Variants in RERE observed in about 807,000 individuals in gnomAD.
RERE encodes the protein arginine-glutamic acid dipeptide repeats protein.
RERE carries 40 observed loss-of-function variants against 146.1 expected under a neutral mutation model. The ratio of observed to expected loss-of-function variants is 0.27; its 90% CI spans 0.21 to 0.36. The LOEUF (loss-of-function observed/expected upper bound fraction) is 0.36, where lower values mean the gene tolerates loss of function less well. Ranked by LOEUF, RERE falls within the 10% of genes least tolerant of loss-of-function variation. RERE has a pLI of 1.00. For synonymous variants in RERE, 1,003 were observed against 866.0 expected, an observed-to-expected ratio of 1.16 and a Z score of -2.78; for missense variants, 1,933 against 2,138.7, an observed-to-expected ratio of 0.90 and a Z score of 1.90.
chr1:8,623,376 G>C (rs987452091), intron 3 of RERE, among the ~76,000 whole-genome samples: 1 of 152,130 alleles, frequency 6.6e-6, no homozygotes, highest in African/African-American at 2.4e-5. Context: ...ACTTGTTTCC[G>C]GGAGGCAGAG....
Position 8,401,069 on chromosome 1 carries a change from A to ATATATATATATG in RERE, c.1284+21657_1284+21658insCATATATATATA, listed in dbSNP as rs761609705. On this transcript the variant is annotated intron_variant, in intron 12 of 22. Transcript: ENST00000400908. ...TATATATATATATATATATATATAT[A>ATATATATATATG]TATGTCACTTAATAGTTTTTGGGAG... Among the ~76,000 whole-genome samples the ATATATATATATG allele has an allele frequency of 1.6e-3, 135 of 85,052 alleles. 1 individual carries two copies. Among genetic ancestry groups the ATATATATATATG allele is most frequent in the South Asian group, 3.4e-3 (8 of 2,326 alleles). 55.8% of individuals were successfully genotyped at this position (85,052 alleles called of 152,430 possible).
intron 1 of RERE, among the ~76,000 whole-genome samples, chr1:8,675,096 C>T (rs1209677507): frequency 6.6e-6 from 1 of 152,112 alleles, no homozygotes; most frequent in African/African-American, 2.4e-5. Context: ...ATCCATGGGG[C>T]CCTGGGGGAA....
chr1:8,776,968 A>T (rs1641076413), intron 1 of RERE, among the ~76,000 whole-genome samples: 1 of 151,750 alleles, frequency 6.6e-6, no homozygotes, highest in African/African-American at 2.4e-5. Context: ...GGCTCAAGCT[A>T]TCCGCCTGTC....
chr1:8,489,242 C>T (rs1045150089), intron 10 of RERE, among the ~76,000 whole-genome samples: 5 of 151,758 alleles, frequency 3.3e-5, no homozygotes, highest in African/African-American at 9.7e-5. Context: ...AGCCTGTAGT[C>T]CCAGGTACTC....
intron 12 of RERE, among the ~76,000 whole-genome samples, chr1:8,415,375 T>C (rs752545605): frequency 1.3e-5 from 2 of 152,172 alleles, no homozygotes; most frequent in African/African-American, 2.4e-5. Flanking sequence ...TCATAAGAAA[T>C]ATAGGTTAGC....
Position 8,791,048 on chromosome 1 carries a change from A to G in RERE, c.-145+26112T>C, listed in dbSNP as rs1464459197. Among the ~76,000 whole-genome samples, 3 of 152,224 alleles carry G rather than the reference A, an allele frequency of 2.0e-5. No individual in the cohort carries two copies. The East Asian group carries it at 5.8e-4, about 29-fold the overall frequency. The stretch of plus-strand genomic sequence containing the variant: ...CGTCTGAGAAATATTCTTAAAAGAC[A>G]ACAAAACATACAGAAAGGTATTTTG... On this transcript the variant is annotated intron_variant, in intron 1 of 22. Coordinates refer to ENST00000400908, the MANE Select transcript of RERE (RefSeq NM_001042681.2).
chr1:8,813,943 C>T (rs1641863127), intron 1 of RERE, among the ~76,000 whole-genome samples: 1 of 152,044 alleles, frequency 6.6e-6, no homozygotes, highest in African/African-American at 2.4e-5. Context: ...AAAGCTTTTT[C>T]GACTGACCAG....
At chr1:8,417,025 T>C (rs562701302) in intron 12 of RERE, among the ~76,000 whole-genome samples, 31 of 152,322 alleles carry the variant, frequency 2.0e-4, no homozygotes, top group African/African-American at 7.0e-4. Context: ...TCTAATGTAC[T>C]GGTATGTGGC....
chr1:8,525,890 T>A, intron 7 of RERE: 1 of 1,438,546 alleles, frequency 7.0e-7, no homozygotes, highest in South Asian at 1.5e-5. Flanking sequence ...GCACATGCAG[T>A]CTCAGAGACC....
chr1:8,606,022 C>A (rs373819543), intron 4 of RERE, among the ~76,000 whole-genome samples: 2 of 151,912 alleles, frequency 1.3e-5, no homozygotes, highest in East Asian at 3.9e-4. Context: ...TTCTTTGTTG[C>A]CCAGGCTGGT....
chr1:8,405,707 C>T (rs1354558143), intron 12 of RERE, among the ~76,000 whole-genome samples: 3 of 152,112 alleles, frequency 2.0e-5, no homozygotes, highest in South Asian at 2.1e-4. Context: ...GGTGCGATCT[C>T]GGCTCACTGC....
chr1:8,510,750 C>T (rs1645324329), intron 7 of RERE, among the ~76,000 whole-genome samples: 1 of 149,980 alleles, frequency 6.7e-6, no homozygotes, highest in African/African-American at 2.4e-5. Context: ...CAGAATGTAT[C>T]ATTTCAGAAA....
In RERE at chr1:8,352,648, C is replaced by G. The variant is rs529306535; in HGVS notation, c.*2439G>C. On this transcript the variant is annotated 3_prime_UTR_variant, in exon 23 of 23. Coordinates refer to ENST00000400908, the MANE Select transcript of RERE (RefSeq NM_001042681.2). The stretch of plus-strand genomic sequence containing the variant: ...AACCTCGAGGACACCGAACAAGATA[C>G]GGACACACACAGAGGAGCCAAACCA... 6.6e-6 allele frequency: 1 copy of G among 152,296 alleles called. No homozygotes were observed. Among genetic ancestry groups the G allele is most frequent in the Non-Finnish European group, 1.5e-5 (1 of 68,044 alleles). 9.4% of individuals were successfully genotyped at this position (152,296 alleles called of 1,614,324 possible).
chr1:8,758,560 T>C (rs1004371518), intron 1 of RERE, among the ~76,000 whole-genome samples: 9 of 151,786 alleles, frequency 5.9e-5, no homozygotes, highest in African/African-American at 1.9e-4. Context: ...CCTAGCTAAC[T>C]TTTTATTTTT....
rs1378605677 is a variant in RERE at position 8,361,153 on chromosome 1, G to A, written c.2354C>T (p.Pro785Leu). 6.9e-7 allele frequency: 1 copy of A among 1,449,156 alleles called. No individual in the cohort carries two copies. Among genetic ancestry groups the A allele is most frequent in the East Asian group, 2.5e-5 (1 of 40,406 alleles). 89.8% of individuals were successfully genotyped at this position (1,449,156 alleles called of 1,614,324 possible). ...PQGSPTASQA[P>L]NQPQAPTAPV... ...CGCTGTGGGAGCCTGTGGCTGGTTAGGGGCCTGGGAGGCCGTGGGGGAGCC... is the reference window on the plus strand; with the variant it reads ...CGCTGTGGGAGCCTGTGGCTGGTTAAGGGCCTGGGAGGCCGTGGGGGAGCC... The change falls in exon 18 of 23, where the codon CCT (proline) becomes CTT (leucine). Residue 785 changes from proline to leucine, a missense_variant. Pro to Leu is a moderately conservative substitution (Grantham distance 98). Around this residue, in one of 11 missense-constraint regions of RERE, gnomAD observed 1,255 missense variants for 1,153.8 expected, o/e 1.09. Coordinates refer to ENST00000400908, the MANE Select transcript of RERE (RefSeq NM_001042681.2).
chr1:8,570,637 A>G (rs1646210255), intron 4 of RERE, among the ~76,000 whole-genome samples: 1 of 152,200 alleles, frequency 6.6e-6, no homozygotes, highest in Admixed American at 6.5e-5. Flanking sequence ...AGAGAATGAC[A>G]GTGAAAAAAA....
intron 1 of RERE, among the ~76,000 whole-genome samples, chr1:8,689,801 CTTAG>C (rs1365981348): frequency 4.0e-5 from 6 of 151,522 alleles, no homozygotes; most frequent in Non-Finnish European, 8.8e-5. Flanking sequence ...TACTAACAGG[CTTAG>C]TTAGCCACTT....
intron 18 of RERE, 46 bp downstream of exon 18, chr1:8,360,066 C>A: frequency 1.3e-6 from 2 of 1,586,444 alleles, no homozygotes. Flanking sequence ...CTTGCCCCCA[C>A]CAGCCCACCT....
chr1:8,703,994 A>G (rs1639512302), intron 1 of RERE, among the ~76,000 whole-genome samples: 1 of 152,224 alleles, frequency 6.6e-6, no homozygotes. Context: ...TAGACAAGAC[A>G]TAGCTTAAAT....
Sources: allele counts gnomAD v4.1 joint callset (sites outside exome capture counted in the v4.1 genomes callset), GRCh38; gene constraint gnomAD v4.1.1; regional missense constraint gnomAD v4.1.1; transcripts MANE v1.5; gene names NCBI Gene and HGNC (gene_info 2026-07-23, HGNC 2026-07-21).